ERCC1: variants seen among roughly 807,000 people sequenced by gnomAD.
The protein encoded by ERCC1 is DNA excision repair protein ERCC-1.
ERCC1 carries 36 observed loss-of-function variants against 37.6 expected under a neutral mutation model. The ratio of observed to expected loss-of-function variants is 0.96; its 90% CI spans 0.73 to 1.26. The LOEUF (loss-of-function observed/expected upper bound fraction) is 1.26, where lower values mean the gene tolerates loss of function less well. Ranked by LOEUF, ERCC1 falls within the 50% of genes most tolerant of loss-of-function variation. The pLI, the probability that ERCC1 is intolerant of heterozygous loss-of-function variation, is 0.00. For missense variants in ERCC1, 349 were observed against 376.5 expected (o/e 0.93, Z 0.60); for synonymous variants, 156 against 162.1 (o/e 0.96, Z 0.28).
chr19:45,438,006 C>T (rs1243555171), intron 1 of ERCC1, among the ~76,000 whole-genome samples: 1 of 149,960 alleles, frequency 6.7e-6, no homozygotes, highest in Non-Finnish European at 1.5e-5. Context: ...CTCCTGGGTT[C>T]AAGTGATTCT....
At chr19:45,446,809 C>T (rs1467690492) in intron 1 of ERCC1, among the ~76,000 whole-genome samples, 1 of 152,086 alleles carries the variant, frequency 6.6e-6, no homozygotes, top group African/African-American at 2.4e-5. Flanking sequence ...ACCAGCCTGA[C>T]CAACATGGTG....
intron 1 of ERCC1, among the ~76,000 whole-genome samples, chr19:45,443,037 G>A (rs1463665373): frequency 2.0e-5 from 3 of 152,132 alleles, no homozygotes. Flanking sequence ...AAGATAAGAG[G>A]AAGTGACAGG....
chr19:45,427,880 C>G (rs549541325), upstream of ERCC1, among the ~76,000 whole-genome samples: 96 of 152,258 alleles, frequency 6.3e-4, 1 homozygote, highest in Non-Finnish European at 6.2e-4. Flanking sequence ...CGGCCCATTC[C>G]CCGCTCCCGA....
chr19:45,444,837 T>G (rs1463921766), intron 1 of ERCC1, among the ~76,000 whole-genome samples: 1 of 152,152 alleles, frequency 6.6e-6, no homozygotes, highest in Non-Finnish European at 1.5e-5. Context: ...ACCTTTGCAC[T>G]CAGTTCGAGG....
intron 2 of ERCC1, among the ~76,000 whole-genome samples, chr19:45,421,824 G>C (rs1974451989): frequency 6.6e-6 from 1 of 151,858 alleles, no homozygotes. Context: ...GTAGAGACAG[G>C]GTTTCAACAT....
chr19:45,451,057 G>C (rs967173488), intron 1 of ERCC1, among the ~76,000 whole-genome samples: 1 of 152,038 alleles, frequency 6.6e-6, no homozygotes, highest in Non-Finnish European at 1.5e-5. Flanking sequence ...AGCCCGGGGC[G>C]GGGGGTGGAG....
rs1973426353 is a variant in ERCC1 at position 45,407,653 on chromosome 19, A to G, written c.*2022T>C. The stretch of plus-strand genomic sequence containing the variant: ...GTATGGCCATAAATATTCTGTAATT[A>G]TAATTGGTGGTCAGCCTGGGATGTG... On this transcript the variant is annotated 3_prime_UTR_variant, in exon 10 of 10. Transcript: ENST00000300853. 1 of 253,590 alleles carries G rather than the reference A, an allele frequency of 3.9e-6. No homozygotes were observed. The highest frequency in any genetic ancestry group is 7.5e-6 in the Non-Finnish European group (1 of 132,860). 15.7% of individuals were successfully genotyped at this position (253,590 alleles called of 1,614,324 possible).
intron 7 of ERCC1, chr19:45,414,588 G>A (rs970224206): frequency 2.4e-5 from 11 of 463,842 alleles, no homozygotes; most frequent in South Asian, 4.2e-5. Context: ...TGGAGGCCAC[G>A]GGGCTTCTGA....
At chr19:45,443,067 A>G (rs1318068821) in intron 1 of ERCC1, among the ~76,000 whole-genome samples, 1 of 152,050 alleles carries the variant, frequency 6.6e-6, no homozygotes, top group Non-Finnish European at 1.5e-5. Context: ...GAGGAAGGGG[A>G]GATGCAGTCA....
chr19:45,451,429 C>T (rs975336293), intron 1 of ERCC1, among the ~76,000 whole-genome samples: 7 of 152,178 alleles, frequency 4.6e-5, no homozygotes, highest in African/African-American at 1.4e-4. Flanking sequence ...AAGCCACAGC[C>T]CCAAAGCCCT....
chr19:45,424,105 G>A (rs914250586), upstream of ERCC1: 1 of 1,022,840 alleles, frequency 9.8e-7, no homozygotes, highest in African/African-American at 1.7e-5. Context: ...ATCCTGGCAG[G>A]GCTCAGTGGA....
In ERCC1 at chr19:45,420,455, T is replaced by G. The variant is rs755278403; in HGVS notation, c.322-28A>C. On this transcript the variant is annotated intron_variant, in intron 3 of 9. Coordinates refer to ENST00000300853, the MANE Select transcript of ERCC1 (RefSeq NM_001983.4). The surrounding 1 kb of genome is among the most constrained non-coding windows in gnomAD (Gnocchi z 4.8). Reference sequence around the variant, plus strand: ...GGGGAGGGACGAAGGGCAGAAGCCATCAATAGGGATGACCCTTGATAACCA... The same window carrying G: ...GGGGAGGGACGAAGGGCAGAAGCCAGCAATAGGGATGACCCTTGATAACCA... 2 of 1,437,758 alleles carry G rather than the reference T, an allele frequency of 1.4e-6. No individual in the cohort carries two copies. The highest frequency in any genetic ancestry group is 2.3e-5 in the South Asian group (2 of 85,984). The allele number at this position is 1,437,758 out of a possible 1,614,324, so 89.1% of individuals were successfully genotyped here. A position where few individuals can be genotyped will look rare whatever the true frequency, so the allele number is the denominator to read the frequency against.
chr19:45,439,897 G>A (rs1024389474), intron 1 of ERCC1, among the ~76,000 whole-genome samples: 24 of 152,226 alleles, frequency 1.6e-4, no homozygotes, highest in Non-Finnish European at 1.0e-4. Flanking sequence ...GGGAACCCGC[G>A]CGGCGCCGCG....
chr19:45,437,911 A>AT (rs34041953), intron 1 of ERCC1, among the ~76,000 whole-genome samples: 22,696 of 143,028 alleles, frequency 0.16, 2,048 homozygotes, highest in African/African-American at 0.28. Flanking sequence ...TTCTCATCTG[A>AT]TTTTTTTTTT....
intron 9 of ERCC1, among the ~76,000 whole-genome samples, chr19:45,413,236 C>T (rs924430644): frequency 2.0e-5 from 3 of 152,050 alleles, no homozygotes; most frequent in African/African-American, 7.2e-5. Context: ...TTGTATATGG[C>T]GAGAGATAGC....
At chr19:45,424,721 C>G (rs796329937), upstream of ERCC1, among the ~76,000 whole-genome samples, 10 of 152,092 alleles carry the variant, frequency 6.6e-5, no homozygotes, top group African/African-American at 2.4e-4. Flanking sequence ...TTTATGGATT[C>G]TGATTCTAAT....
chr19:45,429,854 G>T (rs1390297601), intron 1 of ERCC1, among the ~76,000 whole-genome samples: 1 of 152,118 alleles, frequency 6.6e-6, no homozygotes, highest in African/African-American at 2.4e-5. Context: ...GCATGATCAC[G>T]ATTCACTGCA....
rs1381501675 is a variant in ERCC1 at position 45,422,908 on chromosome 19, G to C, written c.105+362C>G. Among the ~76,000 whole-genome samples the C allele has an allele frequency of 2.0e-5, 3 of 152,118 alleles. No homozygotes were observed. The East Asian group carries it at 5.8e-4, about 29-fold the overall frequency. On this transcript the variant is annotated intron_variant, in intron 2 of 9. Transcript: ENST00000300853. Reference sequence around the variant, plus strand: ...GGGAAGGAGATTTCAATATTGCCAGGTCCTTCCATTTACCAAAATATGTCT... The same window carrying C: ...GGGAAGGAGATTTCAATATTGCCAGCTCCTTCCATTTACCAAAATATGTCT...
rs1444869413 is a variant in ERCC1, at chr19:45,423,850, G to T, written c.-77C>A. 1.8e-6 allele frequency: 2 copies of T among 1,126,538 alleles called. No individual in the cohort carries two copies. The highest frequency in any genetic ancestry group is 3.8e-4 in the Middle Eastern group (1 of 2,618). The allele number at this position is 1,126,538 out of a possible 1,614,324, so 69.8% of individuals were successfully genotyped here. A position where few individuals can be genotyped will look rare whatever the true frequency, so the allele number is the denominator to read the frequency against. ...GCTGGTCTTGGAGCCTCAAGGGAAA[G>T]ACTGCAGAGGGATCGAGGCGGCCCA... On this transcript the variant is annotated 5_prime_UTR_variant, in exon 1 of 10. Coordinates refer to ENST00000300853, the MANE Select transcript of ERCC1 (RefSeq NM_001983.4).
Sources: gnomAD v4.1 joint callset for allele counts (sites outside exome capture counted in the v4.1 genomes callset) on GRCh38, gnomAD v4.1.1 for gene constraint, Gnocchi (gnomAD v3.1) non-coding constraint, MANE v1.5 for transcripts, NCBI Gene and HGNC (gene_info 2026-07-23, HGNC 2026-07-21) for gene names.